The following FLNC variants were observed in gnomAD, a reference collection of about 807,000 sequenced individuals.
The protein encoded by FLNC is filamin C, also known as filamin-C.
FLNC carries 91 observed loss-of-function variants against 254.3 expected under a neutral mutation model. That is an observed-to-expected ratio of 0.36 (90% CI 0.30 to 0.43). The LOEUF (loss-of-function observed/expected upper bound fraction) is 0.43, where lower values mean the gene tolerates loss of function less well. FLNC is among the 20% of genes least tolerant of loss of function. The pLI is 1.00. For missense variants in FLNC, 2,853 were observed against 3,802.6 expected, an observed-to-expected ratio of 0.75 and a Z score of 6.57; for synonymous variants, 1,430 against 1,577.2, an observed-to-expected ratio of 0.91 and a Z score of 2.21.
chr7:128,855,315 G>T lies in FLNC; in HGVS notation c.7251+1G>T, dbSNP rs1554401581. The stretch of plus-strand genomic sequence containing the variant: ...CCGTCTCACTGTCACCAGCCTCCAG[G>T]TTTGTGCCCAGGGTGGGGGTGGAGG... On this transcript the variant is annotated splice_donor_variant, in intron 43 of 47. Coordinates refer to ENST00000325888, the MANE Select transcript of FLNC (RefSeq NM_001458.5). LOFTEE classifies it high-confidence loss of function. 6.2e-7 allele frequency: 1 copy of T among 1,603,406 alleles called. No individual in the cohort carries two copies.
rs1563006270 is a variant in FLNC at position 128,858,573 on chromosome 7, C to T, written c.*50C>T. The T allele has an allele frequency of 7.4e-6, 9 of 1,221,446 alleles. No homozygotes were observed. Among genetic ancestry groups the T allele is most frequent in the South Asian group, 7.3e-5 (6 of 81,990 alleles). 75.7% of individuals were successfully genotyped at this position (1,221,446 alleles called of 1,614,324 possible). On this transcript the variant is annotated 3_prime_UTR_variant, in exon 48 of 48. Coordinates refer to ENST00000325888, the MANE Select transcript of FLNC (RefSeq NM_001458.5). This position sits in a 1 kb window ranked among gnomAD's most constrained non-coding sequence, Gnocchi z 6.7. ...CAGCCCCCACCTCCAGCCACACACA[C>T]ATTACACACACACACACACACACAC...
In FLNC at chr7:128,846,112, A is replaced by T. The variant is rs1208161301; in HGVS notation, c.3913A>T (p.Thr1305Ser). ...GGGGGCCAAGACAGACACCTATGTG[A>T]CAGACAATGGGGACGGCACCTACCG... The part of the protein sequence containing the change: ...PSGAKTDTYV[T>S]DNGDGTYRVQ... The change falls in exon 22 of 48, where the codon ACA becomes TCA. Residue 1305 changes from threonine (T) to serine (S), a missense_variant. Physicochemically the swap from Thr to Ser is moderately conservative, Grantham distance 58. This residue lies in a region of FLNC where 1,573 missense variants were observed against 1,883.5 expected (regional missense o/e 0.84). Coordinates refer to ENST00000325888, the MANE Select transcript of FLNC (RefSeq NM_001458.5). The T allele has an allele frequency of 6.2e-7, 1 of 1,614,038 alleles. No individual in the cohort carries two copies. The highest frequency in any genetic ancestry group is 1.1e-5 in the South Asian group (1 of 91,080).
At position 128,849,441 on chromosome 7, in the gene FLNC, G is replaced by A; in HGVS notation, c.5062G>A (p.Ala1688Thr). Residue 1688 changes from alanine (A) to threonine (T), a missense_variant, in exon 30 of 48, where the codon GCA (alanine) becomes ACA (threonine). Physicochemically the swap from Ala to Thr is moderately conservative, Grantham distance 58 (BLOSUM62 0). Around this residue, in one of 10 missense-constraint regions of FLNC, gnomAD observed 258 missense variants for 312.3 expected, o/e 0.83. Coordinates refer to ENST00000325888, the MANE Select transcript of FLNC (RefSeq NM_001458.5). ...ATGCACGGTGTCCACGCCGGATGGG[G>A]CAGAGCTCGATGTGGATGTGGTTGA... ...VTCTVSTPDG[A>T]ELDVDVVENH... 6.2e-7 allele frequency: 1 copy of A among 1,614,226 alleles called. No homozygotes were observed. The highest frequency in any genetic ancestry group is 1.1e-5 in the South Asian group (1 of 91,080).
In FLNC at chr7:128,842,078, C is replaced by T. The variant is rs1367142656; in HGVS notation, c.2122-153C>T. ...AGGGTGGGCTCTGGCCGCCAGAGCA[C>T]GTGGCCCTGGGCTCTGGTGGCCTCA... is the stretch of plus-strand genomic sequence containing the variant. On this transcript the variant is annotated intron_variant, in intron 13 of 47. Transcript: ENST00000325888. This position sits in a 1 kb window ranked among gnomAD's most constrained non-coding sequence, Gnocchi z 5.4. 6.7e-6 allele frequency among the ~76,000 whole-genome samples: 1 copy of T among 150,152 alleles called. No individual in the cohort carries two copies. Among genetic ancestry groups the T allele is most frequent in the African/African-American group, 2.4e-5 (1 of 40,894 alleles).
chr7:128,835,327 C>T lies in FLNC; in HGVS notation c.354C>T (p.Asp118=), dbSNP rs1808052484. The part of the protein sequence containing the change: ...EREHIKLVSI[D]SKAIVDGNLK... The stretch of plus-strand genomic sequence containing the variant: ...CCGTCTGTGCCCTCCCCTCTGCAGA[C>T]AGCAAGGCCATCGTGGATGGGAACC... Residue 118 remains aspartate, a splice_region_variant and synonymous_variant, in exon 2 of 48, where the codon GAC becomes GAT. Coordinates refer to ENST00000325888, the MANE Select transcript of FLNC (RefSeq NM_001458.5). This position sits in a 1 kb window ranked among gnomAD's most constrained non-coding sequence, Gnocchi z 5.3. The T allele has an allele frequency of 6.2e-7, 1 of 1,613,408 alleles. No individual in the cohort carries two copies. Among genetic ancestry groups the T allele is most frequent in the South Asian group, 1.1e-5 (1 of 91,084 alleles).
rs367793265 is a variant in FLNC at position 128,856,740 on chromosome 7, C to T, written c.7385-5C>T. On this transcript the variant is annotated splice_polypyrimidine_tract_variant and splice_region_variant and intron_variant, in intron 44 of 47. Transcript: ENST00000325888. This position sits in a 1 kb window ranked among gnomAD's most constrained non-coding sequence, Gnocchi z 5.9. Reference sequence around the variant, plus strand: ...GAGGCTAAGCCACCAACCCTTTATCCACAGACAAGCACACCATCCGCTTCA... The same window carrying T: ...GAGGCTAAGCCACCAACCCTTTATCTACAGACAAGCACACCATCCGCTTCA... The T allele has an allele frequency of 1.0e-3, 1,635 of 1,614,208 alleles. 27 individuals are homozygous for T. The South Asian group carries it at 0.017, about 16-fold the overall frequency.
rs1809144630 is a variant in FLNC at position 128,858,060 on chromosome 7, G to A, written c.7833G>A (p.Val2611=). 6.2e-7 allele frequency: 1 copy of A among 1,610,488 alleles called. No individual in the cohort carries two copies. Among genetic ancestry groups the A allele is most frequent in the African/African-American group, 1.3e-5 (1 of 75,006 alleles). The change falls in exon 47 of 48, where the codon GTG becomes GTA. Residue 2611 remains valine, a synonymous_variant. Transcript: ENST00000325888. This position sits in a 1 kb window ranked among gnomAD's most constrained non-coding sequence, Gnocchi z 6.7. ...TTCACGAAACATCCACGGTTCTGGT[G>A]GAGACTGTGACCAAGTCCTCCTCAA... ...HSLHETSTVL[V]ETVTKSSSSR...
chr7:128,837,692 G>T lies in FLNC; in HGVS notation c.906G>T (p.Thr302=), dbSNP rs758924780. The change falls in exon 5 of 48, where the codon ACG becomes ACT. Residue 302 remains threonine, a synonymous_variant. Transcript: ENST00000325888. The part of the protein sequence containing the change: ...VLQPAHFTVQ[T]VDAGVGEVLV... Reference sequence around the variant, plus strand: ...AGCCTGCCCACTTCACCGTGCAGACGGTGGACGCGGGCGTGGGCGAGGTGC... The same window carrying T: ...AGCCTGCCCACTTCACCGTGCAGACTGTGGACGCGGGCGTGGGCGAGGTGC... The T allele has an allele frequency of 1.2e-6, 2 of 1,611,066 alleles. No homozygotes were observed. The highest frequency in any genetic ancestry group is 1.7e-6 in the Non-Finnish European group (2 of 1,179,506).
intron 8 of FLNC, among the ~76,000 whole-genome samples, chr7:128,839,732 G>A (rs568901551): frequency 6.6e-6 from 1 of 152,232 alleles, no homozygotes; most frequent in Non-Finnish European, 1.5e-5. Context: ...GCCTTGGGCT[G>A]GGTAAAGGGG....
rs770923888 is a variant in FLNC at position 128,838,434 on chromosome 7, G to A, written c.1210+5G>A. The A allele has an allele frequency of 3.7e-6, 6 of 1,613,628 alleles. No homozygotes were observed. The highest frequency in any genetic ancestry group is 1.3e-5 in the African/African-American group (1 of 74,992). ...ACTTTGACATCTACACTGCGGGTAG[G>A]ACGGGCCCCAGGGGGTGCAGGTGGA... is the stretch of plus-strand genomic sequence containing the variant. On this transcript the variant is annotated splice_donor_5th_base_variant and intron_variant, in intron 7 of 47. Transcript: ENST00000325888.
At chr7:128,837,321 C>G in intron 3 of FLNC, 64 bp downstream of exon 3, 1 of 1,611,166 alleles carries the variant, frequency 6.2e-7, no homozygotes, top group Non-Finnish European at 8.5e-7. Flanking sequence ...TGTAAGTTTA[C>G]CTGGCCAGGG....
Position 128,847,821 on chromosome 7 carries a change from A to T in FLNC, c.4413A>T (p.Gln1471His), listed in dbSNP as rs765435961. 73 of 1,613,588 alleles carry T rather than the reference A, an allele frequency of 4.5e-5. No individual in the cohort carries two copies. The highest frequency in any genetic ancestry group is 6.0e-5 in the Non-Finnish European group (71 of 1,179,802). The change falls in exon 25 of 48, where the codon CAA becomes CAT. Residue 1471 changes from glutamine to histidine, a missense_variant. By Grantham distance (24) the Gln-to-His change is conservative. Around this residue, in one of 10 missense-constraint regions of FLNC, gnomAD observed 1,573 missense variants for 1,883.5 expected, o/e 0.84. Transcript: ENST00000325888. ...VPQTFTVDCS[Q>H]AGRAPLQVAV... ...AGACCTTCACAGTGGATTGCAGTCAAGCTGGCCGGGCGCCCCTGCAGGTGG... is the reference window on the plus strand; with the variant it reads ...AGACCTTCACAGTGGATTGCAGTCATGCTGGCCGGGCGCCCCTGCAGGTGG...
At position 128,851,510 on chromosome 7, in the gene FLNC, C is replaced by A. The variant is rs2128938449; in HGVS notation, c.5724C>A (p.Asp1908Glu). 6.2e-7 allele frequency: 1 copy of A among 1,613,998 alleles called. No individual in the cohort carries two copies. The highest frequency in any genetic ancestry group is 1.3e-5 in the African/African-American group (1 of 75,050). ...CCAAGGCAGAGATCACCTGTAAGGA[C>A]AACAAGGATGGCACCTGCACCGTGT... ...GPSKAEITCK[D>E]NKDGTCTVSY... The change falls in exon 35 of 48, where the codon GAC (aspartate) becomes GAA (glutamate). Residue 1908 changes from aspartate to glutamate, a missense_variant. Asp to Glu is a conservative substitution (Grantham distance 45, BLOSUM62 2). Transcript: ENST00000325888.
rs376434411 is a variant in FLNC at position 128,841,393 on chromosome 7, C to G, written c.2007+30C>G. 6.2e-7 allele frequency: 1 copy of G among 1,613,646 alleles called. No homozygotes were observed. The highest frequency in any genetic ancestry group is 2.2e-5 in the East Asian group (1 of 44,882). ...GGTCCCAGCTCACACACACCTGCCC[C>G]GGGGGTGGGGCAAGCTGGTTCTCCT... On this transcript the variant is annotated intron_variant, in intron 12 of 47. Transcript: ENST00000325888. The surrounding 1 kb of genome is among the most constrained non-coding windows in gnomAD (Gnocchi z 4.3).
Position 128,848,032 on chromosome 7 carries a change from T to A in FLNC, c.4544T>A (p.Val1515Glu). 6.2e-7 allele frequency: 1 copy of A among 1,607,266 alleles called. No individual in the cohort carries two copies. The highest frequency in any genetic ancestry group is 8.5e-7 in the Non-Finnish European group (1 of 1,176,670). Reference sequence around the variant, plus strand: ...CCAGCCACTGACGGGCCCTACACGGTAGCCGTCAAGTATGCTGACCAGGAG... The same window carrying A: ...CCAGCCACTGACGGGCCCTACACGGAAGCCGTCAAGTATGCTGACCAGGAG... ...YTPATDGPYT[V>E]AVKYADQEVP... is the part of the protein sequence containing the mutation. Residue 1515 changes from valine (V) to glutamate (E), a missense_variant, in exon 26 of 48, where the codon GTA becomes GAA. Coordinates refer to ENST00000325888, the MANE Select transcript of FLNC (RefSeq NM_001458.5).
rs367820987 is a variant in FLNC, at chr7:128,854,204, C to G, written c.6715C>G (p.Arg2239Gly). Reference protein sequence around the residue: ...ERLGSFGSITRQQEGEASSQD... With the variant: ...ERLGSFGSITGQQEGEASSQD... Reference sequence around the variant, plus strand: ...CCTGGGATCCTTCGGCAGCATCACCCGGCAGCAGGAGGGTGAGCACCGCAC... The same window carrying G: ...CCTGGGATCCTTCGGCAGCATCACCGGGCAGCAGGAGGGTGAGCACCGCAC... The change falls in exon 40 of 48, where the codon CGG becomes GGG. Residue 2239 changes from arginine (R) to glycine (G), a missense_variant. Arg to Gly is a moderately radical substitution (Grantham distance 125, BLOSUM62 -2). This residue lies in a region of FLNC where 551 missense variants were observed against 835.0 expected (regional missense o/e 0.66). Transcript: ENST00000325888. 1 of 1,607,336 alleles carries G rather than the reference C, an allele frequency of 6.2e-7. No individual in the cohort carries two copies. The highest frequency in any genetic ancestry group is 8.5e-7 in the Non-Finnish European group (1 of 1,177,446).
intron 33 of FLNC, 141 bp downstream of exon 33, chr7:128,851,084 C>G: frequency 6.6e-7 from 1 of 1,513,338 alleles, no homozygotes; most frequent in Non-Finnish European, 9.1e-7. Flanking sequence ...GAGGCTTATA[C>G]CCTGGTGGGA....
intron 9 of FLNC, 101 bp from the exon 10 acceptor site, chr7:128,840,447 G>A (rs995433780): frequency 3.2e-5 from 49 of 1,538,996 alleles, no homozygotes; most frequent in Middle Eastern, 1.7e-4. Context: ...CACTGCCCTC[G>A]GGCTGGGTCG....
In FLNC at chr7:128,841,181, G is replaced by A. The variant is rs758389160; in HGVS notation, c.1825G>A (p.Glu609Lys). 15 of 1,613,728 alleles carry A rather than the reference G, an allele frequency of 9.3e-6. No homozygotes were observed. Among genetic ancestry groups the A allele is most frequent in the Non-Finnish European group, 1.2e-5 (14 of 1,179,982 alleles). ...CCACCTTGCCCCAGGCTTCTCCATC[G>A]AGGGGCCCTCACAAGCCAAGATCGA... is the stretch of plus-strand genomic sequence containing the variant. ...TEVGTLGFSIEGPSQAKIECD... is the reference protein window; with the variant it reads ...TEVGTLGFSIKGPSQAKIECD... The change falls in exon 12 of 48, where the codon GAG (glutamate) becomes AAG (lysine). Residue 609 changes from glutamate to lysine, a missense_variant. By Grantham distance (56) the Glu-to-Lys change is moderately conservative (BLOSUM62 1). Transcript: ENST00000325888. The surrounding 1 kb of genome is among the most constrained non-coding windows in gnomAD (Gnocchi z 4.3).
Sources: gnomAD v4.1 joint callset for allele counts (sites outside exome capture counted in the v4.1 genomes callset) on GRCh38, gnomAD v4.1.1 for gene constraint, gnomAD v4.1.1 regional missense constraint, Gnocchi (gnomAD v3.1) non-coding constraint, MANE v1.5 for transcripts, NCBI Gene and HGNC (gene_info 2026-07-23, HGNC 2026-07-21) for gene names.